The following COBL variants were observed in gnomAD, a reference collection of about 807,000 sequenced individuals.
The protein encoded by COBL is protein cordon-bleu.
COBL carries 51 observed loss-of-function variants against 98.8 expected under a neutral mutation model. The ratio of observed to expected loss-of-function variants is 0.52; its 90% CI spans 0.41 to 0.65. COBL has a LOEUF of 0.65. COBL is among the 30% of genes least tolerant of loss of function. The probability of loss-of-function intolerance (pLI) is 0.00; values close to 1 mark genes in which losing one functional copy is unlikely to be tolerated. For missense variants in COBL, 1,617 were observed against 1,617.5 expected, an observed-to-expected ratio of 1.00 and a Z score of 0.01; for synonymous variants, 634 against 651.7, an observed-to-expected ratio of 0.97 and a Z score of 0.41.
chr7:51,085,220 G>C lies in COBL; in HGVS notation c.1042C>G (p.Pro348Ala). The C allele has an allele frequency of 6.2e-7, 1 of 1,613,984 alleles. No homozygotes were observed. The highest frequency in any genetic ancestry group is 8.5e-7 in the Non-Finnish European group (1 of 1,180,024). Residue 348 changes from proline to alanine, a missense_variant, in exon 7 of 13, where the codon CCC becomes GCC. Around this residue, in one of 3 missense-constraint regions of COBL, gnomAD observed 1,304 missense variants for 1,282.0 expected, o/e 1.02. Transcript: ENST00000265136. ...PPPPQPPPPS[P>A]LIPNRTEDKE... is the part of the protein sequence containing the mutation. ...TCCTCAGTGCGGTTGGGGATCAGGG[G>C]ACTCGGTGGTGGTGGCTGTGGTGGA...
At chr7:51,306,901 T>A (rs1584461453) in intron 1 of COBL, among the ~76,000 whole-genome samples, 1 of 152,180 alleles carries the variant, frequency 6.6e-6, no homozygotes, top group African/African-American at 2.4e-5. Flanking sequence ...AACATCCTCC[T>A]TCATCCTGCA....
At chr7:51,141,742 A>G (rs1386730764) in intron 5 of COBL, among the ~76,000 whole-genome samples, 1 of 152,026 alleles carries the variant, frequency 6.6e-6, no homozygotes, top group African/African-American at 2.4e-5. Context: ...ACAGGACTCA[A>G]GGCAGAACAA....
intron 5 of COBL, among the ~76,000 whole-genome samples, chr7:51,172,230 T>C (rs1284192432): frequency 6.6e-6 from 1 of 152,220 alleles, no homozygotes; most frequent in Non-Finnish European, 1.5e-5. Flanking sequence ...CTTCTCCTGA[T>C]CACACTGACT....
At chr7:51,160,400 A>G (rs1786674074) in intron 5 of COBL, among the ~76,000 whole-genome samples, 1 of 152,220 alleles carries the variant, frequency 6.6e-6, no homozygotes, top group Non-Finnish European at 1.5e-5. Flanking sequence ...GTAATGCCAT[A>G]AAGTTGTCAT....
At chr7:51,169,325 G>C (rs1379556603) in intron 5 of COBL, among the ~76,000 whole-genome samples, 1 of 152,122 alleles carries the variant, frequency 6.6e-6, no homozygotes, top group African/African-American at 2.4e-5. Context: ...TGTACTGATT[G>C]ATGTATTATG....
chr7:51,294,272 C>A (rs889457392), intron 1 of COBL, among the ~76,000 whole-genome samples: 3 of 150,540 alleles, frequency 2.0e-5, no homozygotes, highest in Non-Finnish European at 4.4e-5. Context: ...GCCTGGGCAA[C>A]AGAGTGAGAC....
chr7:51,280,296 C>T (rs1000422718), intron 1 of COBL, among the ~76,000 whole-genome samples: 3 of 152,106 alleles, frequency 2.0e-5, no homozygotes, highest in Non-Finnish European at 2.9e-5. Flanking sequence ...AATGGGTCCC[C>T]TAATGTTTAA....
At chr7:51,247,592 T>C (rs146160852) in intron 1 of COBL, among the ~76,000 whole-genome samples, 5 of 152,274 alleles carry the variant, frequency 3.3e-5, no homozygotes, top group African/African-American at 1.2e-4. Flanking sequence ...ATCTCATGGC[T>C]GAAGCTTGCT....
At chr7:51,095,573 A>AATC (rs989841462) in intron 6 of COBL, among the ~76,000 whole-genome samples, 1 of 152,178 alleles carries the variant, frequency 6.6e-6, no homozygotes, top group Non-Finnish European at 1.5e-5. Flanking sequence ...CAAAATATAT[A>AATC]ATCAAAATAT....
At chr7:51,208,726 C>A (rs1268828331) in intron 2 of COBL, among the ~76,000 whole-genome samples, 2 of 152,148 alleles carry the variant, frequency 1.3e-5, no homozygotes, top group East Asian at 1.9e-4. Context: ...AAGAAAAATT[C>A]TTCTGCCTTG....
intron 2 of COBL, among the ~76,000 whole-genome samples, chr7:51,199,493 A>G (rs1371884368): frequency 6.6e-6 from 1 of 152,186 alleles, no homozygotes; most frequent in African/African-American, 2.4e-5. Context: ...GAGATCCATA[A>G]ATTACCTGAA....
intron 1 of COBL, among the ~76,000 whole-genome samples, chr7:51,232,029 C>T (rs1046627708): frequency 1.3e-5 from 2 of 152,136 alleles, no homozygotes; most frequent in East Asian, 1.9e-4. Context: ...GTGGGATTGA[C>T]GCTGTCATTC....
At chr7:51,089,635 C>T (rs531559302) in intron 6 of COBL, among the ~76,000 whole-genome samples, 54 of 152,246 alleles carry the variant, frequency 3.5e-4, no homozygotes, top group African/African-American at 1.3e-3. Context: ...AGTGGAGTTT[C>T]AGAGGGAGAG....
At position 51,048,097 on chromosome 7, in the gene COBL, C is replaced by T. The variant is rs76036246; in HGVS notation, c.1097-4405G>A. On this transcript the variant is annotated intron_variant, in intron 7 of 12. Transcript: ENST00000265136. ...CAGAGAATTGCTTGAACCTGAGAGG[C>T]GGAGGCTGCAGTGAGCCGAGATCAC... Among the ~76,000 whole-genome samples, 23 of 151,214 alleles carry T rather than the reference C, an allele frequency of 1.5e-4. No individual in the cohort carries two copies. The East Asian group carries it at 3.1e-3, about 21-fold the overall frequency.
rs566894019 is a variant in COBL, at chr7:51,016,554, A to G, written c.*997T>C. The G allele has an allele frequency of 5.7e-6, 1 of 176,742 alleles. No individual in the cohort carries two copies. The highest frequency in any genetic ancestry group is 2.0e-4 in the South Asian group (1 of 5,038). 10.9% of individuals were successfully genotyped at this position (176,742 alleles called of 1,614,324 possible). ...TGGTGACTGGGCACCATGTGAGAAGACCACGATATCATACAAAGGGAGCCA... is the reference window on the plus strand; with the variant it reads ...TGGTGACTGGGCACCATGTGAGAAGGCCACGATATCATACAAAGGGAGCCA... On this transcript the variant is annotated 3_prime_UTR_variant, in exon 13 of 13. Coordinates refer to ENST00000265136, the MANE Select transcript of COBL (RefSeq NM_015198.5).
intron 7 of COBL, among the ~76,000 whole-genome samples, chr7:51,056,771 G>A (rs1790788824): frequency 6.6e-6 from 1 of 150,928 alleles, no homozygotes; most frequent in Non-Finnish European, 1.5e-5. Context: ...GTGGAGAAAA[G>A]CGAAATGACT....
rs766864509 is a variant in COBL, at chr7:51,027,897, C to G, written c.3199G>C (p.Glu1067Gln). The change falls in exon 10 of 13, where the codon GAG (glutamate) becomes CAG (glutamine). Residue 1067 changes from glutamate to glutamine, a missense_variant. Transcript: ENST00000265136. The part of the protein sequence containing the change: ...GTESHILLER[E>Q]EKPSVFSTDG... ...GTAGAGAACACACTGGGCTTTTCCT[C>G]TCTTTCTAGGAGAATGTGGCTTTCT... 4 of 1,614,206 alleles carry G rather than the reference C, an allele frequency of 2.5e-6. No homozygotes were observed. The Admixed American group carries it at 6.7e-5, about 27-fold the overall frequency.
At chr7:51,115,098 C>T (rs996921164) in intron 6 of COBL, among the ~76,000 whole-genome samples, 3 of 152,180 alleles carry the variant, frequency 2.0e-5, no homozygotes, top group African/African-American at 7.2e-5. Flanking sequence ...AAAAAGTTCA[C>T]ATTTCCTCAT....
Position 51,016,930 on chromosome 7 carries a change from G to A in COBL, c.*621C>T. The A allele has an allele frequency of 2.5e-6, 1 of 399,496 alleles. No individual in the cohort carries two copies. The highest frequency in any genetic ancestry group is 4.4e-6 in the Non-Finnish European group (1 of 226,738). The allele number at this position is 399,496 out of a possible 1,614,324, so 24.7% of individuals were successfully genotyped here. ...GTAATAGTTGATTTTTAAAAGCTTA[G>A]TTGGTCAGATCATGGACTGTGACCC... On this transcript the variant is annotated 3_prime_UTR_variant, in exon 13 of 13. Coordinates refer to ENST00000265136, the MANE Select transcript of COBL (RefSeq NM_015198.5).
Sources: allele counts gnomAD v4.1 joint callset (sites outside exome capture counted in the v4.1 genomes callset), GRCh38; gene constraint gnomAD v4.1.1; regional missense constraint gnomAD v4.1.1; transcripts MANE v1.5; gene names NCBI Gene and HGNC (gene_info 2026-07-23, HGNC 2026-07-21).